The following DLG2 variants were observed in gnomAD, a reference collection of about 807,000 sequenced individuals.
DLG2 encodes discs large MAGUK scaffold protein 2.
DLG2 carries 45 observed loss-of-function variants against 132.5 expected under a neutral mutation model. The observed-to-expected ratio is 0.34, with a 90% CI of 0.27 to 0.44. The LOEUF (loss-of-function observed/expected upper bound fraction) is 0.44, where lower values mean the gene tolerates loss of function less well. DLG2 is among the 20% of genes least tolerant of loss of function. DLG2 has a pLI of 1.00. For missense variants in DLG2, 1,045 were observed against 1,196.9 expected (o/e 0.87, Z 1.87); for synonymous variants, 424 against 419.6 (o/e 1.01, Z -0.13).
intron 21 of DLG2, among the ~76,000 whole-genome samples, chr11:83,492,138 A>G (rs1407382682): frequency 6.6e-6 from 1 of 152,046 alleles, no homozygotes; most frequent in Non-Finnish European, 1.5e-5. Context: ...TTTCCTGGCT[A>G]CTTATCTAAA....
chr11:83,730,146 G>GCT lies in DLG2; in HGVS notation c.1825+56543_1825+56544insAG, dbSNP rs775673275. 2.2e-3 allele frequency among the ~76,000 whole-genome samples: 244 copies of GCT among 110,964 alleles called. 3 individuals carry two copies. The highest frequency in any genetic ancestry group is 8.2e-3 in the African/African-American group (237 of 28,854). 72.8% of individuals were successfully genotyped at this position (110,964 alleles called of 152,430 possible). A position where few individuals can be genotyped will look rare whatever the true frequency, so the allele number is the denominator to read the frequency against. ...ATTTCCTTCTAGGTGTTTTTTTATG[G>GCT]TTTTTTTTTTTTTTTTTTTTTACAA... On this transcript the variant is annotated intron_variant, in intron 18 of 27. Transcript: ENST00000376104.
At chr11:84,001,321 A>C (rs972106264) in intron 11 of DLG2, among the ~76,000 whole-genome samples, 2 of 112,398 alleles carry the variant, frequency 1.8e-5, no homozygotes, top group South Asian at 3.0e-4. Flanking sequence ...ACAGACTTCA[A>C]GTAAAAAAAA....
intron 3 of DLG2, among the ~76,000 whole-genome samples, chr11:85,475,921 G>T (rs1047619509): frequency 6.6e-6 from 1 of 152,042 alleles, no homozygotes; most frequent in African/African-American, 2.4e-5. Flanking sequence ...GGAAATCTTA[G>T]CAAACTACGA....
chr11:84,960,860 T>G (rs1477152734), intron 6 of DLG2, among the ~76,000 whole-genome samples: 1 of 152,076 alleles, frequency 6.6e-6, no homozygotes, highest in Non-Finnish European at 1.5e-5. Flanking sequence ...GAAAACAATT[T>G]CAAGTTTTTC....
intron 6 of DLG2, among the ~76,000 whole-genome samples, chr11:85,002,520 C>G (rs2058305678): frequency 6.6e-6 from 1 of 152,028 alleles, no homozygotes; most frequent in African/African-American, 2.4e-5. Flanking sequence ...TTTAATTTGG[C>G]CTTTTCCTTT....
chr11:84,870,315 A>T (rs2085283631), intron 6 of DLG2, among the ~76,000 whole-genome samples: 1 of 152,182 alleles, frequency 6.6e-6, no homozygotes, highest in South Asian at 2.1e-4. Context: ...GAACAATTAG[A>T]GATGTCAGAG....
At chr11:84,046,503 T>G (rs7102489) in intron 11 of DLG2, among the ~76,000 whole-genome samples, 5,513 of 151,676 alleles carry the variant, frequency 0.036, 293 homozygotes, top group African/African-American at 0.12. Flanking sequence ...ACTATTGAAC[T>G]GTTGCTTCAT....
intron 3 of DLG2, among the ~76,000 whole-genome samples, chr11:85,353,903 G>A (rs2083487220): frequency 6.6e-6 from 1 of 151,642 alleles, no homozygotes; most frequent in Admixed American, 6.6e-5. Flanking sequence ...TGAGTTAATG[G>A]GTGCAGCACA....
intron 9 of DLG2, among the ~76,000 whole-genome samples, chr11:84,105,690 A>G (rs1018757583): frequency 6.6e-6 from 1 of 152,152 alleles, no homozygotes. Flanking sequence ...ACCTTAGATA[A>G]AAAACAGCTA....
chr11:84,482,301 T>C (rs947275437), intron 7 of DLG2, among the ~76,000 whole-genome samples: 4 of 152,210 alleles, frequency 2.6e-5, no homozygotes, highest in East Asian at 3.8e-4. Context: ...TTCTATAATA[T>C]AGCCTCATGG....
intron 8 of DLG2, among the ~76,000 whole-genome samples, chr11:84,193,229 G>A (rs78937626): frequency 0.039 from 5,947 of 152,258 alleles, 336 homozygotes; most frequent in African/African-American, 0.13. Flanking sequence ...AGCTTAGGAA[G>A]GGAACATTCA....
intron 6 of DLG2, among the ~76,000 whole-genome samples, chr11:84,702,056 G>A (rs1167655702): frequency 1.3e-5 from 2 of 151,554 alleles, no homozygotes; most frequent in Non-Finnish European, 3.0e-5. Context: ...CACAGGCCTA[G>A]CACAAACCTG....
chr11:84,702,771 T>C (rs2059342843), intron 6 of DLG2, among the ~76,000 whole-genome samples: 1 of 151,640 alleles, frequency 6.6e-6, no homozygotes, highest in South Asian at 2.1e-4. Context: ...TTATTGTATA[T>C]CTATTTAAGT....
At chr11:84,714,631 C>CTTTCTCTTTCTCTT in intron 6 of DLG2, among the ~76,000 whole-genome samples, 2 of 135,636 alleles carry the variant, frequency 1.5e-5, no homozygotes, top group African/African-American at 6.4e-5. Context: ...CTTTCTCTCT[C>CTTTCTCTTTCTCTT]TCTCTCTCTC....
chr11:84,442,303 T>C (rs1167455748), intron 7 of DLG2, among the ~76,000 whole-genome samples: 4 of 152,104 alleles, frequency 2.6e-5, no homozygotes, highest in Non-Finnish European at 4.4e-5. Flanking sequence ...TGAGCAGTGG[T>C]TTGTTTTTCT....
chr11:84,892,631 A>C (rs2089581178), intron 6 of DLG2, among the ~76,000 whole-genome samples: 3 of 152,228 alleles, frequency 2.0e-5, no homozygotes, highest in African/African-American at 7.2e-5. Context: ...TGGTGGACTT[A>C]AGAGAATTTT....
chr11:84,165,480 T>G (rs1009113559), intron 8 of DLG2, among the ~76,000 whole-genome samples: 14 of 152,242 alleles, frequency 9.2e-5, no homozygotes, highest in African/African-American at 3.4e-4. Context: ...ATTGCAGGCT[T>G]ATATTTACCT....
At chr11:84,020,530 G>T (rs117122845) in intron 11 of DLG2, among the ~76,000 whole-genome samples, 6 of 152,100 alleles carry the variant, frequency 3.9e-5, no homozygotes, top group Non-Finnish European at 8.8e-5. Flanking sequence ...TGTATCCTTC[G>T]CAGCTGTAAA....
intron 22 of DLG2, among the ~76,000 whole-genome samples, chr11:83,478,651 T>A (rs886471874): frequency 2.6e-5 from 4 of 152,026 alleles, no homozygotes; most frequent in Non-Finnish European, 4.4e-5. Context: ...ATGTGATTTT[T>A]ATAAGAAAAG....
Sources: gnomAD v4.1 joint callset for allele counts (sites outside exome capture counted in the v4.1 genomes callset) on GRCh38, gnomAD v4.1.1 for gene constraint, MANE v1.5 for transcripts, NCBI Gene and HGNC (gene_info 2026-07-23, HGNC 2026-07-21) for gene names.